NALF1: variants seen among roughly 807,000 people sequenced by gnomAD.
NALF1 encodes the protein NALCN channel auxiliary factor 1.
Under a neutral mutation model 48.4 loss-of-function variants are expected in NALF1, and 3 were observed. The observed-to-expected ratio is 0.06, with a 90% CI of 0.03 to 0.16. NALF1 has a LOEUF of 0.16. Ranked by LOEUF, NALF1 falls within the 10% of genes least tolerant of loss-of-function variation. The pLI, the probability that NALF1 is intolerant of heterozygous loss-of-function variation, is 1.00. For missense variants in NALF1, 526 were observed against 571.5 expected (o/e 0.92, Z 0.81); for synonymous variants, 262 against 245.7 (o/e 1.07, Z -0.62).
chr13:107,810,276 C>T (rs1360136844), intron 1 of NALF1, among the ~76,000 whole-genome samples: 1 of 152,032 alleles, frequency 6.6e-6, no homozygotes, highest in Non-Finnish European at 1.5e-5. Context: ...ATGTAATTGC[C>T]ATTTTCCTGC....
chr13:107,330,322 G>A (rs1023756252), intron 1 of NALF1, among the ~76,000 whole-genome samples: 22 of 152,156 alleles, frequency 1.4e-4, no homozygotes, highest in African/African-American at 4.8e-4. Flanking sequence ...AAATATATGA[G>A]CACATTGTCT....
intron 1 of NALF1, among the ~76,000 whole-genome samples, chr13:107,751,816 T>C (rs974720774): frequency 2.6e-5 from 4 of 152,184 alleles, no homozygotes; most frequent in African/African-American, 9.7e-5. Context: ...TGTTTTACTA[T>C]TGACTACTAG....
intron 1 of NALF1, among the ~76,000 whole-genome samples, chr13:107,338,807 G>T (rs556683427): frequency 1.3e-5 from 2 of 152,080 alleles, no homozygotes; most frequent in African/African-American, 4.8e-5. Flanking sequence ...CGTGTTTCCC[G>T]AAGATGTGGG....
At chr13:107,782,781 C>A (rs1269940396) in intron 1 of NALF1, among the ~76,000 whole-genome samples, 3 of 151,594 alleles carry the variant, frequency 2.0e-5, no homozygotes, top group African/African-American at 7.3e-5. Flanking sequence ...TCTGCCCAGC[C>A]GCCCCATCTG....
chr13:107,724,676 C>G (rs1813163081), intron 1 of NALF1, among the ~76,000 whole-genome samples: 1 of 152,122 alleles, frequency 6.6e-6, no homozygotes, highest in Admixed American at 6.6e-5. Context: ...ATCCTTCCAC[C>G]TCAGCCTCCT....
At chr13:107,686,582 C>T (rs1382479215) in intron 1 of NALF1, among the ~76,000 whole-genome samples, 4 of 151,948 alleles carry the variant, frequency 2.6e-5, no homozygotes, top group Non-Finnish European at 4.4e-5. Context: ...TCAGTAGAGA[C>T]GGGGTTTCAC....
intron 1 of NALF1, among the ~76,000 whole-genome samples, chr13:107,724,410 T>C (rs941129850): frequency 6.6e-6 from 1 of 152,240 alleles, no homozygotes; most frequent in Non-Finnish European, 1.5e-5. Flanking sequence ...TTCTTTTTAA[T>C]GTTGTAAAAT....
chr13:107,275,673 G>C (rs182993883), intron 1 of NALF1, among the ~76,000 whole-genome samples: 3 of 152,240 alleles, frequency 2.0e-5, no homozygotes, highest in Admixed American at 2.0e-4. Flanking sequence ...AAATTCAAAT[G>C]TCAGATACAT....
chr13:107,433,198 G>A (rs936773106), intron 1 of NALF1, among the ~76,000 whole-genome samples: 1 of 152,060 alleles, frequency 6.6e-6, no homozygotes, highest in Non-Finnish European at 1.5e-5. Context: ...TGACCAAATG[G>A]CCATTTTGGT....
intron 1 of NALF1, among the ~76,000 whole-genome samples, chr13:107,320,354 A>T (rs1001085170): frequency 1.3e-5 from 2 of 152,126 alleles, no homozygotes; most frequent in Non-Finnish European, 2.9e-5. Flanking sequence ...AACAAAAAAG[A>T]CAAAAAACTT....
intron 1 of NALF1, among the ~76,000 whole-genome samples, chr13:107,457,929 G>A (rs1020640136): frequency 4.6e-5 from 7 of 151,962 alleles, no homozygotes; most frequent in South Asian, 2.1e-4. Flanking sequence ...TTATTTCTAC[G>A]TTGTTAATTC....
chr13:107,510,189 G>T (rs1266411180), intron 1 of NALF1, among the ~76,000 whole-genome samples: 1 of 152,100 alleles, frequency 6.6e-6, no homozygotes, highest in Non-Finnish European at 1.5e-5. Flanking sequence ...TGTTTGTGAT[G>T]ATCATATTGC....
At chr13:107,216,851 C>T (rs1395096600) in intron 1 of NALF1, among the ~76,000 whole-genome samples, 2 of 152,160 alleles carry the variant, frequency 1.3e-5, no homozygotes, top group African/African-American at 4.8e-5. Flanking sequence ...GGTATGGCAC[C>T]ACGGAGCTGC....
chr13:107,575,897 A>G (rs1182942473), intron 1 of NALF1, among the ~76,000 whole-genome samples: 1 of 151,882 alleles, frequency 6.6e-6, no homozygotes, highest in Non-Finnish European at 1.5e-5. Flanking sequence ...GTTTGGGAAG[A>G]GGTGTGTGTG....
At chr13:107,729,647 T>G (rs1322329064) in intron 1 of NALF1, among the ~76,000 whole-genome samples, 1 of 152,012 alleles carries the variant, frequency 6.6e-6, no homozygotes, top group African/African-American at 2.4e-5. Flanking sequence ...CAGCTAATTT[T>G]TTTGTATTTT....
intron 2 of NALF1, among the ~76,000 whole-genome samples, chr13:107,199,182 C>T (rs758125509): frequency 1.3e-5 from 2 of 151,806 alleles, no homozygotes; most frequent in African/African-American, 2.4e-5. Flanking sequence ...TTATTGGACA[C>T]AGAGAGGAAA....
intron 1 of NALF1, among the ~76,000 whole-genome samples, chr13:107,437,269 A>G (rs1049412837): frequency 2.6e-5 from 4 of 152,214 alleles, no homozygotes; most frequent in African/African-American, 9.6e-5. Context: ...GCAGGGGTAC[A>G]CTGACTATCC....
At chr13:107,241,337 G>A (rs181882803) in intron 1 of NALF1, among the ~76,000 whole-genome samples, 12 of 152,232 alleles carry the variant, frequency 7.9e-5, no homozygotes, top group African/African-American at 2.4e-4. Flanking sequence ...TGTCCTCGCC[G>A]AGCACCACAC....
chr13:107,459,919 C>A (rs1006358225), intron 1 of NALF1, among the ~76,000 whole-genome samples: 37 of 151,962 alleles, frequency 2.4e-4, no homozygotes, highest in African/African-American at 8.4e-4. Flanking sequence ...TTTTTGTATT[C>A]TTTGTAGAGA....
Sources: gnomAD v4.1 joint callset for allele counts (sites outside exome capture counted in the v4.1 genomes callset) on GRCh38, gnomAD v4.1.1 for gene constraint, MANE v1.5 for transcripts, NCBI Gene and HGNC (gene_info 2026-07-23, HGNC 2026-07-21) for gene names.